ITIH4: variants seen among roughly 807,000 people sequenced by gnomAD.
The protein encoded by ITIH4 is inter-alpha-trypsin inhibitor heavy chain H4.
ITIH4 carries 79 observed loss-of-function variants against 111.8 expected under a neutral mutation model. The ratio of observed to expected loss-of-function variants is 0.71; its 90% CI spans 0.59 to 0.85. ITIH4 has a LOEUF of 0.85. ITIH4 is among the 40% of genes least tolerant of loss of function. The pLI, the probability that ITIH4 is intolerant of heterozygous loss-of-function variation, is 0.00. For synonymous variants in ITIH4, 472 were observed against 468.3 expected (o/e 1.01, Z -0.10); for missense variants, 1,065 against 1,195.8 (o/e 0.89, Z 1.61).
intron 11 of ITIH4, among the ~76,000 whole-genome samples, chr3:52,821,365 T>C (rs921776689): frequency 3.9e-5 from 6 of 152,064 alleles, no homozygotes; most frequent in African/African-American, 1.4e-4. Flanking sequence ...CCAGATACAA[T>C]AAGGCAGGCA....
chr3:52,823,760 C>T lies in ITIH4; in HGVS notation c.1354-19G>A. On this transcript the variant is annotated intron_variant, in intron 10 of 23. Transcript: ENST00000266041. ...AGAAGTCCTGCAGGGTTGGGGGTGT[C>T]ATAAAGGCTGGGCTTTATGACTGCC... The T allele has an allele frequency of 6.2e-7, 1 of 1,613,976 alleles. No individual in the cohort carries two copies. The highest frequency in any genetic ancestry group is 8.5e-7 in the Non-Finnish European group (1 of 1,179,928).
In ITIH4 at chr3:52,824,517, G is replaced by C. The variant is rs751623308; in HGVS notation, c.925C>G (p.Gln309Glu). The C allele has an allele frequency of 2.7e-5, 44 of 1,613,962 alleles. No individual in the cohort carries two copies. Among genetic ancestry groups the C allele is most frequent in the Middle Eastern group, 1.6e-4 (1 of 6,084 alleles). ...KILDDLSPRD[Q>E]FNLIVFSTEA... The stretch of plus-strand genomic sequence containing the variant: ...GTACTGAAGACGATGAGGTTGAACT[G>C]GTCTCTGGGGCTGAGGTCATCCAGG... Residue 309 changes from glutamine (Q) to glutamate (E), a missense_variant, in exon 8 of 24, where the codon CAG becomes GAG. Gln to Glu is a conservative substitution (Grantham distance 29, BLOSUM62 2). Coordinates refer to ENST00000266041, the MANE Select transcript of ITIH4 (RefSeq NM_002218.5). This position sits in a 1 kb window ranked among gnomAD's most constrained non-coding sequence, Gnocchi z 4.3.
Position 52,819,924 on chromosome 3 carries a change from C to T in ITIH4, c.1912+16G>A, listed in dbSNP as rs1191929958. Reference sequence around the variant, plus strand: ...AATCTGTCAATCTCCCCTCCCCCCACCTCCTACTTTGTCACCTGGTTTTGG... The same window carrying T: ...AATCTGTCAATCTCCCCTCCCCCCATCTCCTACTTTGTCACCTGGTTTTGG... On this transcript the variant is annotated intron_variant, in intron 15 of 23. Coordinates refer to ENST00000266041, the MANE Select transcript of ITIH4 (RefSeq NM_002218.5). 4 of 1,613,048 alleles carry T rather than the reference C, an allele frequency of 2.5e-6. No homozygotes were observed. In the East Asian group the frequency reaches 6.7e-5, roughly 27 times the overall value.
intron 16 of ITIH4, 113 bp downstream of exon 16, chr3:52,819,641 G>T: frequency 6.4e-7 from 1 of 1,571,654 alleles, no homozygotes; most frequent in South Asian, 1.1e-5. Context: ...CCCCACACCC[G>T]GCCAACTTGG....
rs987044843 is a variant in ITIH4, at chr3:52,813,254, T to C, written c.*167A>G. The C allele has an allele frequency of 3.1e-6, 2 of 652,254 alleles. No homozygotes were observed. The highest frequency in any genetic ancestry group is 5.5e-6 in the Non-Finnish European group (2 of 361,692). 40.4% of individuals were successfully genotyped at this position (652,254 alleles called of 1,614,324 possible). A position where few individuals can be genotyped will look rare whatever the true frequency, so the allele number is the denominator to read the frequency against. On this transcript the variant is annotated 3_prime_UTR_variant, in exon 24 of 24. Transcript: ENST00000266041. ...GGATGCGAGGTTGAGGCCCTAGGAT[T>C]TGGCCACATGGAACTGGAGACACCC...
intron 13 of ITIH4, 62 bp from the exon 14 acceptor site, chr3:52,820,379 G>A: frequency 1.3e-6 from 2 of 1,564,722 alleles, no homozygotes. Flanking sequence ...ACACCGTCAG[G>A]GTGGTTTTCA....
rs756495740 is a variant in ITIH4 at position 52,827,201 on chromosome 3, G to C, written c.252-4C>G. On this transcript the variant is annotated splice_polypyrimidine_tract_variant and splice_region_variant and intron_variant, in intron 2 of 23. Coordinates refer to ENST00000266041, the MANE Select transcript of ITIH4 (RefSeq NM_002218.5). ...GTAGGTCATGCCATCGATGATCCTG[G>C]GGGCAGAAGGGTGGGAGTTGTTGAG... 4.3e-6 allele frequency: 7 copies of C among 1,610,838 alleles called. No individual in the cohort carries two copies. The highest frequency in any genetic ancestry group is 1.3e-5 in the African/African-American group (1 of 74,850).
At chr3:52,820,892 A>G in intron 12 of ITIH4, 99 bp downstream of exon 12, 4 of 1,548,274 alleles carry the variant, frequency 2.6e-6, no homozygotes, top group South Asian at 1.2e-5. Context: ...GAGCTTGGAC[A>G]TGATGCCAAG....
chr3:52,822,215 T>G (rs1363425687), intron 11 of ITIH4: 2 of 152,028 alleles, frequency 1.3e-5, no homozygotes, highest in Non-Finnish European at 2.9e-5. Context: ...TGGTGGTGGA[T>G]GCTGGTAGTC....
At chr3:52,823,265 C>T (rs1015196623) in intron 11 of ITIH4, 8 of 363,266 alleles carry the variant, frequency 2.2e-5, no homozygotes, top group Non-Finnish European at 3.5e-5. Context: ...CCCTGTCTGA[C>T]TGCAACCTGA....
chr3:52,827,242 G>T (rs769541668), intron 2 of ITIH4, 45 bp from the exon 3 acceptor site: 2 of 1,489,308 alleles, frequency 1.3e-6, no homozygotes, highest in Non-Finnish European at 1.9e-6. Context: ...GGTGGCAGGG[G>T]CCCATTCCAC....
At position 52,820,955 on chromosome 3, in the gene ITIH4, C is replaced by T. The variant is rs200745734; in HGVS notation, c.1679+36G>A. On this transcript the variant is annotated intron_variant, in intron 12 of 23. Transcript: ENST00000266041. ...GTACCGTGCCACCTGTGCCTGCCCC[C>T]TAGCGACAGGCTTAGGGAGGTGCTG... 26 of 1,605,428 alleles carry T rather than the reference C, an allele frequency of 1.6e-5. No homozygotes were observed. In the African/African-American group the frequency reaches 2.4e-4, roughly 15 times the overall value.
chr3:52,824,998 C>A lies in ITIH4; in HGVS notation c.760-40G>T, dbSNP rs746605484. 2 of 1,405,884 alleles carry A rather than the reference C, an allele frequency of 1.4e-6. No individual in the cohort carries two copies. The highest frequency in any genetic ancestry group is 3.6e-5 in the Admixed American group (2 of 54,908). The allele number at this position is 1,405,884 out of a possible 1,614,324, so 87.1% of individuals were successfully genotyped here. On this transcript the variant is annotated intron_variant, in intron 6 of 23. Coordinates refer to ENST00000266041, the MANE Select transcript of ITIH4 (RefSeq NM_002218.5). The surrounding 1 kb of genome is among the most constrained non-coding windows in gnomAD (Gnocchi z 4.3). ...AGACCCACCCAGGCCATCAGAGCTA[C>A]AATTGGCCCTATCCCCATTCAGCCC...
rs2535620 is a variant in ITIH4 at position 52,817,104 on chromosome 3, T to G, written c.2297-46A>C. ...AGGTCATAGCTGGGCCCCAGCCAGG[T>G]CTGACACCGACCTGCATGGGGAGTC... On this transcript the variant is annotated intron_variant, in intron 20 of 23. Transcript: ENST00000266041. 49,986 of 1,562,970 alleles carry G rather than the reference T, an allele frequency of 0.032. 7,310 individuals carry two copies. The African/African-American group carries it at 0.36, about 11-fold the overall frequency.
At chr3:52,816,808 C>A in intron 21 of ITIH4, 76 bp downstream of exon 21, 1 of 1,440,298 alleles carries the variant, frequency 6.9e-7, no homozygotes, top group Non-Finnish European at 9.6e-7. Flanking sequence ...TGGCCTCAGG[C>A]CACCTGCTGG....
rs980346519 is a variant in ITIH4, at chr3:52,814,149, C to T, written c.2626+60G>A. ...GACACACGCAGGGGAGGGGCGCTGCCTGTTCCCAAGCACAGCTGGTTTCTG... is the reference window on the plus strand; with the variant it reads ...GACACACGCAGGGGAGGGGCGCTGCTTGTTCCCAAGCACAGCTGGTTTCTG... On this transcript the variant is annotated intron_variant, in intron 22 of 23. Coordinates refer to ENST00000266041, the MANE Select transcript of ITIH4 (RefSeq NM_002218.5). The T allele has an allele frequency of 7.5e-6, 12 of 1,604,656 alleles. No individual in the cohort carries two copies. The Admixed American group carries it at 1.9e-4, about 25-fold the overall frequency.
intron 17 of ITIH4, 123 bp from the exon 18 acceptor site, chr3:52,818,659 G>T (rs986884742): frequency 1.0e-5 from 8 of 772,398 alleles, no homozygotes; most frequent in Non-Finnish European, 1.7e-5. Context: ...ACCTAGAATG[G>T]CCTTTGTCAC....
At position 52,824,132 on chromosome 3, in the gene ITIH4, G is replaced by A. The variant is rs1302251782; in HGVS notation, c.1171+58C>T. On this transcript the variant is annotated intron_variant, in intron 9 of 23. Transcript: ENST00000266041. This position sits in a 1 kb window ranked among gnomAD's most constrained non-coding sequence, Gnocchi z 4.3. ...CCCAGATCCCACAGCAAGCCCAGGT[G>A]CAGCCCCAGCCGCCTCCCCTGTGCA... 6 of 1,596,634 alleles carry A rather than the reference G, an allele frequency of 3.8e-6. No individual in the cohort carries two copies. The highest frequency in any genetic ancestry group is 5.1e-6 in the Non-Finnish European group (6 of 1,168,070).
In ITIH4 at chr3:52,827,149, T is replaced by C. The variant is rs1281979766; in HGVS notation, c.300A>G (p.Glu100=). ...TYPGIIKEKA[E]AQAQYSAAVA... Reference sequence around the variant, plus strand: ...CTGCTGCGCTGTACTGTGCCTGGGCTTCAGCCTTCTCCTTGATGATCCCTG... The same window carrying C: ...CTGCTGCGCTGTACTGTGCCTGGGCCTCAGCCTTCTCCTTGATGATCCCTG... Residue 100 remains glutamate (E), a synonymous_variant, in exon 3 of 24, where the codon GAA becomes GAG. Transcript: ENST00000266041. 6.2e-7 allele frequency: 1 copy of C among 1,614,046 alleles called. No homozygotes were observed. The highest frequency in any genetic ancestry group is 1.3e-5 in the African/African-American group (1 of 74,918).
Sources: allele counts gnomAD v4.1 joint callset (sites outside exome capture counted in the v4.1 genomes callset), GRCh38; gene constraint gnomAD v4.1.1; non-coding constraint Gnocchi (gnomAD v3.1); transcripts MANE v1.5; gene names NCBI Gene and HGNC (gene_info 2026-07-23, HGNC 2026-07-21).